TMEM87A: variants seen among roughly 807,000 people sequenced by gnomAD.
TMEM87A encodes transmembrane protein 87A, also known as Golgi-pH regulating cation channel.
Under a neutral mutation model 90.0 loss-of-function variants are expected in TMEM87A, and 50 were observed. The observed-to-expected ratio is 0.56, with a 90% CI of 0.44 to 0.70. The LOEUF (loss-of-function observed/expected upper bound fraction) is 0.70. Ranked by LOEUF, TMEM87A falls within the 30% of genes least tolerant of loss-of-function variation. TMEM87A has a pLI of 0.00. For missense variants in TMEM87A, 577 were observed against 660.5 expected, an observed-to-expected ratio of 0.87 and a Z score of 1.39; for synonymous variants, 226 against 226.7, an observed-to-expected ratio of 1.00 and a Z score of 0.03.
At chr15:42,245,769 T>TG (rs2050961370) in intron 6 of TMEM87A, among the ~76,000 whole-genome samples, 1 of 151,918 alleles carries the variant, frequency 6.6e-6, no homozygotes, top group Non-Finnish European at 1.5e-5. Flanking sequence ...TGACCTCAGG[T>TG]GATCCACCCA....
Position 42,236,390 on chromosome 15 carries a change from G to C in TMEM87A, c.898C>G (p.Leu300Val), listed in dbSNP as rs774284092. Residue 300 changes from leucine (L) to valine (V), a missense_variant, in exon 10 of 20, where the codon CTT (leucine) becomes GTT (valine). By Grantham distance (32) the Leu-to-Val change is conservative. Transcript: ENST00000389834. ...GCCAGTGAGCGTTTCACTGCTGAAA[G>C]CAGCTCTGCAAGGATCAAAGCACCC... ...VQGALILAEL[L>V]SAVKRSLART... The C allele has an allele frequency of 6.2e-7, 1 of 1,614,122 alleles. No homozygotes were observed. Among genetic ancestry groups the C allele is most frequent in the Non-Finnish European group, 8.5e-7 (1 of 1,179,958 alleles).
chr15:42,225,300 T>G (rs2050569617), intron 15 of TMEM87A, among the ~76,000 whole-genome samples: 2 of 63,096 alleles, frequency 3.2e-5, no homozygotes, highest in African/African-American at 6.8e-5. Flanking sequence ...TAAATGCAAA[T>G]GGGGGGGGGG....
Position 42,211,668 on chromosome 15 carries a change from C to T in TMEM87A, c.*40G>A. ...GACTGACACAGATGCTGATCTCTTC[C>T]CTGATGGTAGCCATCTTTAACTGCA... is the stretch of plus-strand genomic sequence containing the variant. On this transcript the variant is annotated 3_prime_UTR_variant, in exon 20 of 20. Transcript: ENST00000389834. 1 of 1,599,164 alleles carries T rather than the reference C, an allele frequency of 6.3e-7. No homozygotes were observed. The highest frequency in any genetic ancestry group is 8.6e-7 in the Non-Finnish European group (1 of 1,167,292).
intron 7 of TMEM87A, among the ~76,000 whole-genome samples, chr15:42,241,537 T>C (rs377752172): frequency 1.3e-5 from 2 of 152,102 alleles, no homozygotes; most frequent in South Asian, 2.1e-4. Context: ...CTGGGACCAG[T>C]TGTAAAGAGT....
intron 2 of TMEM87A, among the ~76,000 whole-genome samples, chr15:42,271,006 T>A (rs1481163368): frequency 2.6e-5 from 4 of 152,244 alleles, no homozygotes; most frequent in African/African-American, 9.6e-5. Flanking sequence ...AATTTTGCAC[T>A]TCCGTGAAGA....
chr15:42,221,820 G>A (rs954372365), intron 15 of TMEM87A, among the ~76,000 whole-genome samples: 10 of 152,086 alleles, frequency 6.6e-5, no homozygotes, highest in Admixed American at 2.0e-4. Flanking sequence ...GTATGACCAC[G>A]GCTCACTGCA....
At chr15:42,245,218 C>A (rs144486011) in intron 6 of TMEM87A, among the ~76,000 whole-genome samples, 1 of 152,128 alleles carries the variant, frequency 6.6e-6, no homozygotes, top group Non-Finnish European at 1.5e-5. Flanking sequence ...AGACTCACAA[C>A]CAATTTGTGA....
At chr15:42,264,399 ACT>A (rs1237803808) in intron 3 of TMEM87A, among the ~76,000 whole-genome samples, 196 bp from the exon 4 acceptor site, 3 of 152,106 alleles carry the variant, frequency 2.0e-5, no homozygotes, top group Non-Finnish European at 4.4e-5. Context: ...GGACTATTAG[ACT>A]CTAGTCTTTG....
chr15:42,232,606 TG>T (rs35466287), intron 11 of TMEM87A, among the ~76,000 whole-genome samples: 9 of 151,848 alleles, frequency 5.9e-5, no homozygotes, highest in African/African-American at 1.9e-4. Flanking sequence ...CCCAAGTAGC[TG>T]GGACTACAGG....
At chr15:42,221,354 A>C (rs776751107) in intron 15 of TMEM87A, among the ~76,000 whole-genome samples, 2 of 152,170 alleles carry the variant, frequency 1.3e-5, no homozygotes, top group Non-Finnish European at 2.9e-5. Flanking sequence ...GCATTCCTAC[A>C]TATTTGGAAA....
In TMEM87A at chr15:42,229,823, G is replaced by A. The variant is rs554293935; in HGVS notation, c.1132-1003C>T. The stretch of plus-strand genomic sequence containing the variant: ...TACTAAAAATGGTATCTGCTCTCAC[G>A]TTCAATGTTCTTTTCTTTTTGAGAC... On this transcript the variant is annotated intron_variant, in intron 12 of 19. Coordinates refer to ENST00000389834, the MANE Select transcript of TMEM87A (RefSeq NM_015497.5). Among the ~76,000 whole-genome samples the A allele has an allele frequency of 1.9e-4, 29 of 152,172 alleles. 1 individual carries two copies. The South Asian group carries it at 3.3e-3, about 17-fold the overall frequency.
At chr15:42,257,348 T>C (rs1172089764) in intron 6 of TMEM87A, among the ~76,000 whole-genome samples, 2 of 151,970 alleles carry the variant, frequency 1.3e-5, no homozygotes, top group Admixed American at 1.3e-4. Context: ...TCCTCCTCCC[T>C]CTTTCCTTCT....
chr15:42,223,408 C>G (rs1566923600), intron 15 of TMEM87A, among the ~76,000 whole-genome samples: 2 of 152,114 alleles, frequency 1.3e-5, no homozygotes, highest in Admixed American at 6.5e-5. Flanking sequence ...AAATAAATTC[C>G]TACGAATCAA....
At chr15:42,239,641 C>T in intron 8 of TMEM87A, 29 bp downstream of exon 8, 2 of 1,586,794 alleles carry the variant, frequency 1.3e-6, no homozygotes, top group Non-Finnish European at 1.7e-6. Flanking sequence ...CCATCCAATA[C>T]TGAGGTTAAA....
At chr15:42,272,721 T>C (rs2051565595) in intron 1 of TMEM87A, 1 of 333,780 alleles carries the variant, frequency 3.0e-6, no homozygotes, top group South Asian at 2.4e-5. Context: ...ACCATTCCCA[T>C]GTTAAAACAC....
chr15:42,273,552 G>A, upstream of TMEM87A: 1 of 1,323,866 alleles, frequency 7.6e-7, no homozygotes, highest in Non-Finnish European at 1.0e-6. Context: ...CTCTCAGACA[G>A]TCGTCTGTGC....
At chr15:42,218,508 GAA>G in intron 17 of TMEM87A, 130 bp from the exon 18 acceptor site, 1 of 763,324 alleles carries the variant, frequency 1.3e-6, no homozygotes, top group Non-Finnish European at 2.0e-6. Flanking sequence ...ACTGCTGACA[GAA>G]AAGTCAAATA....
chr15:42,223,935 G>A (rs767493400), intron 15 of TMEM87A, among the ~76,000 whole-genome samples: 6 of 151,986 alleles, frequency 3.9e-5, no homozygotes, highest in Non-Finnish European at 8.8e-5. Flanking sequence ...TTTTGGGAAC[G>A]TAATCTGGAA....
intron 7 of TMEM87A, among the ~76,000 whole-genome samples, chr15:42,240,790 C>T (rs1357361820): frequency 6.6e-6 from 1 of 152,108 alleles, no homozygotes; most frequent in Non-Finnish European, 1.5e-5. Flanking sequence ...AAGTAAACTA[C>T]ATCCAATACT....
Sources: gnomAD v4.1 joint callset for allele counts (sites outside exome capture counted in the v4.1 genomes callset) on GRCh38, gnomAD v4.1.1 for gene constraint, MANE v1.5 for transcripts, NCBI Gene and HGNC (gene_info 2026-07-23, HGNC 2026-07-21) for gene names.